CORO2B: variants seen among roughly 807,000 people sequenced by gnomAD.
The protein encoded by CORO2B is coronin-2B.
Under a neutral mutation model 58.8 loss-of-function variants are expected in CORO2B, and 26 were observed. The observed-to-expected ratio is 0.44, with a 90% CI of 0.32 to 0.61. The LOEUF (loss-of-function observed/expected upper bound fraction) is 0.61, where lower values mean the gene tolerates loss of function less well. Ranked by LOEUF, CORO2B falls within the 20% of genes least tolerant of loss-of-function variation. CORO2B has a pLI of 0.04. For missense variants in CORO2B, 460 were observed against 645.1 expected, an observed-to-expected ratio of 0.71 and a Z score of 3.11; for synonymous variants, 242 against 253.8, an observed-to-expected ratio of 0.95 and a Z score of 0.44.
intron 11 of CORO2B, among the ~76,000 whole-genome samples, chr15:68,724,843 C>T (rs531254575): frequency 1.1e-3 from 173 of 152,126 alleles, no homozygotes; most frequent in Non-Finnish European, 1.9e-3. Flanking sequence ...TTCCAGGGCT[C>T]GGCGTTTTGT....
chr15:68,571,278 C>A, the CORO2B span, among the ~76,000 whole-genome samples: 2 of 152,172 alleles, frequency 1.3e-5, no homozygotes, highest in African/African-American at 4.8e-5. Context: ...ATGCAACCAG[C>A]ATTAAATACA....
chr15:68,589,267 C>T (rs1465104250), intron 1 of CORO2B, among the ~76,000 whole-genome samples: 1 of 152,162 alleles, frequency 6.6e-6, no homozygotes, highest in Non-Finnish European at 1.5e-5. Flanking sequence ...TCTTTGGCTC[C>T]CTAACTTGTG....
rs564301721 is a variant in CORO2B, at chr15:68,726,459, C to T, written c.*485C>T. The T allele has an allele frequency of 6.5e-4, 110 of 169,202 alleles. 1 individual carries two copies. The highest frequency in any genetic ancestry group is 2.3e-3 in the East Asian group (12 of 5,262). The allele number at this position is 169,202 out of a possible 1,614,324, so 10.5% of individuals were successfully genotyped here. On this transcript the variant is annotated 3_prime_UTR_variant, in exon 12 of 12. Coordinates refer to ENST00000261861, the MANE Select transcript of CORO2B (RefSeq NM_006091.5). ...GCAGTGATCCCTCTTTCGTCCCACC[C>T]CCTCTTCCCTCAGCAGCCCCGGAAG...
At chr15:68,665,968 C>G (rs1902177070) in intron 2 of CORO2B, among the ~76,000 whole-genome samples, 1 of 152,078 alleles carries the variant, frequency 6.6e-6, no homozygotes, top group African/African-American at 2.4e-5. Flanking sequence ...AATGTTAAAT[C>G]ATAGCAACCT....
intron 2 of CORO2B, among the ~76,000 whole-genome samples, chr15:68,694,064 G>A (rs892780089): frequency 3.3e-5 from 5 of 152,134 alleles, no homozygotes; most frequent in African/African-American, 1.2e-4. Flanking sequence ...TCAAACTCCT[G>A]ACGTCAGGTG....
chr15:68,566,051 T>C, the CORO2B span, among the ~76,000 whole-genome samples: 4 of 152,342 alleles, frequency 2.6e-5, no homozygotes, highest in African/African-American at 9.6e-5. Flanking sequence ...TTTTGCACAC[T>C]GAAGTCAAGC....
At position 68,587,083 on chromosome 15, in the gene CORO2B, C is replaced by A. The variant is rs978362682; in HGVS notation, c.15+7806C>A. Among the ~76,000 whole-genome samples the A allele has an allele frequency of 3.6e-5, 5 of 137,910 alleles. No individual in the cohort carries two copies. The East Asian group carries it at 1.0e-3, about 28-fold the overall frequency. 90.5% of individuals were successfully genotyped at this position (137,910 alleles called of 152,430 possible). On this transcript the variant is annotated intron_variant, in intron 1 of 11. Coordinates refer to ENST00000261861, the MANE Select transcript of CORO2B (RefSeq NM_006091.5). ...ACACACACACACACACACACACACA[C>A]ACACACACACACAATTTTTTTCTAA...
chr15:68,527,478 T>C, the CORO2B span, among the ~76,000 whole-genome samples: 1 of 152,202 alleles, frequency 6.6e-6, no homozygotes, highest in Admixed American at 6.5e-5. Context: ...CAATTGACCA[T>C]GTATCTGTGA....
chr15:68,579,122 G>T lies in CORO2B; in HGVS notation c.-141G>T. On this transcript the variant is annotated 5_prime_UTR_variant, in exon 1 of 12. Transcript: ENST00000261861. The stretch of plus-strand genomic sequence containing the variant: ...CTGCGCGCTGCCCGCCCGGAGCGCA[G>T]CCCCCAGGCTCGGCCGAGCCGCCGG... 3.1e-6 allele frequency: 3 copies of T among 982,172 alleles called. No homozygotes were observed. Among genetic ancestry groups the T allele is most frequent in the Non-Finnish European group, 3.6e-6 (3 of 828,636 alleles). The allele number at this position is 982,172 out of a possible 1,614,324, so 60.8% of individuals were successfully genotyped here.
chr15:68,719,277 C>T lies in CORO2B; in HGVS notation c.1171+43C>T, dbSNP rs191205109. On this transcript the variant is annotated intron_variant, in intron 10 of 11. Coordinates refer to ENST00000261861, the MANE Select transcript of CORO2B (RefSeq NM_006091.5). ...TCCACAGAGCACAGGCGGCTGCAGCCTTTGCCTTCAGCGCAGCTCACCCCA... is the reference window on the plus strand; with the variant it reads ...TCCACAGAGCACAGGCGGCTGCAGCTTTTGCCTTCAGCGCAGCTCACCCCA... 6 of 1,605,506 alleles carry T rather than the reference C, an allele frequency of 3.7e-6. No individual in the cohort carries two copies. In the African/African-American group the frequency reaches 6.7e-5, roughly 18 times the overall value.
chr15:68,583,959 A>G (rs371684047), intron 1 of CORO2B, among the ~76,000 whole-genome samples: 4 of 152,306 alleles, frequency 2.6e-5, no homozygotes, highest in African/African-American at 9.6e-5. Context: ...TCTTCCAGAT[A>G]TCCAGCATTC....
chr15:68,726,050 AC>A lies in CORO2B; in HGVS notation c.*80del. Reference sequence around the variant, plus strand: ...TCCCTTAACTTCTCCCTTACCAGTGACCCCAGAGACAGAGCCAGGACAGGAG... The same window carrying A: ...TCCCTTAACTTCTCCCTTACCAGTGACCCAGAGACAGAGCCAGGACAGGAG... On this transcript the variant is annotated 3_prime_UTR_variant, in exon 12 of 12. Coordinates refer to ENST00000261861, the MANE Select transcript of CORO2B (RefSeq NM_006091.5). 6.3e-7 allele frequency: 1 copy of A among 1,576,780 alleles called. No individual in the cohort carries two copies. The highest frequency in any genetic ancestry group is 8.6e-7 in the Non-Finnish European group (1 of 1,166,104).
In CORO2B at chr15:68,719,165, A is replaced by G. The variant is rs776117758; in HGVS notation, c.1102A>G (p.Ile368Val). 3.1e-6 allele frequency: 5 copies of G among 1,614,072 alleles called. No homozygotes were observed. The highest frequency in any genetic ancestry group is 3.4e-6 in the Non-Finnish European group (4 of 1,179,984). ...PRRSDSYQED[I>V]YPMTPGTEPA... Reference sequence around the variant, plus strand: ...GTAGTCAGATTCCTACCAGGAAGACATTTACCCAATGACACCAGGCACGGA... The same window carrying G: ...GTAGTCAGATTCCTACCAGGAAGACGTTTACCCAATGACACCAGGCACGGA... The change falls in exon 10 of 12, where the codon ATT becomes GTT. Residue 368 changes from isoleucine to valine, a missense_variant. Around this residue, in one of 2 missense-constraint regions of CORO2B, gnomAD observed 352 missense variants for 543.0 expected, o/e 0.65. Transcript: ENST00000261861.
chr15:68,643,897 C>T (rs1025154200), intron 1 of CORO2B, among the ~76,000 whole-genome samples: 7 of 152,070 alleles, frequency 4.6e-5, no homozygotes, highest in East Asian at 3.9e-4. Flanking sequence ...ATTAGCTGGG[C>T]GTGGTGGTGG....
At chr15:68,618,279 A>G (rs2140249942) in intron 1 of CORO2B, among the ~76,000 whole-genome samples, 1 of 152,350 alleles carries the variant, frequency 6.6e-6, no homozygotes, top group African/African-American at 2.4e-5. Flanking sequence ...ATAACCTACT[A>G]GTAGGAGGTG....
chr15:68,576,173 A>AAAAAAAAAAAAAAAAAAAGAAAG (rs1555409381), upstream of CORO2B, among the ~76,000 whole-genome samples: 2 of 103,842 alleles, frequency 1.9e-5, no homozygotes, highest in Non-Finnish European at 3.9e-5. Context: ...AAAAAAAAAA[A>AAAAAAAAAAAAAAAAAAAGAAAG]AAAGAAAGAA....
chr15:68,542,131 G>A, the CORO2B span, among the ~76,000 whole-genome samples: 2 of 152,196 alleles, frequency 1.3e-5, no homozygotes, highest in African/African-American at 4.8e-5. Context: ...TTTCAGGTGG[G>A]CTAGTAAATC....
rs192166774 is a variant in CORO2B at position 68,714,676 on chromosome 15, G to C, written c.870+13G>C. On this transcript the variant is annotated intron_variant, in intron 7 of 11. Transcript: ENST00000261861. ...CCTGGCTGGAAAGGTAGTAGGAGGT[G>C]GGGGAGGGCCCGGGGCAGCCTGTGG... 2.5e-6 allele frequency: 4 copies of C among 1,605,470 alleles called. No homozygotes were observed. The highest frequency in any genetic ancestry group is 1.3e-5 in the African/African-American group (1 of 74,812).
intron 2 of CORO2B, 133 bp from the exon 3 acceptor site, chr15:68,695,007 A>T: frequency 2.9e-6 from 2 of 681,198 alleles, no homozygotes; most frequent in East Asian, 2.7e-5. Flanking sequence ...CCAAAAACAA[A>T]AATAAAACAC....
Sources: gnomAD v4.1 joint callset for allele counts (sites outside exome capture counted in the v4.1 genomes callset) on GRCh38, gnomAD v4.1.1 for gene constraint, gnomAD v4.1.1 regional missense constraint, MANE v1.5 for transcripts, NCBI Gene and HGNC (gene_info 2026-07-23, HGNC 2026-07-21) for gene names.